HEBP1: variants seen among roughly 807,000 people sequenced by gnomAD.
HEBP1 encodes the protein heme binding protein 1.
Under a neutral mutation model 20.4 loss-of-function variants are expected in HEBP1, and 13 were observed. The ratio of observed to expected loss-of-function variants is 0.64; its 90% CI spans 0.42 to 1.01. The LOEUF (loss-of-function observed/expected upper bound fraction) is 1.01. HEBP1 is among the 50% of genes least tolerant of loss of function. The pLI, the probability that HEBP1 is intolerant of heterozygous loss-of-function variation, is 0.00. For missense variants in HEBP1, 241 were observed against 247.3 expected (o/e 0.97, Z 0.17); for synonymous variants, 92 against 90.7 (o/e 1.01, Z -0.08).
At chr12:12,982,894 C>T (rs1864104684) in intron 3 of HEBP1, among the ~76,000 whole-genome samples, 1 of 152,144 alleles carries the variant, frequency 6.6e-6, no homozygotes. Context: ...GTGTCTACCT[C>T]ATGTCTAGGA....
intron 3 of HEBP1, among the ~76,000 whole-genome samples, chr12:12,978,626 A>C (rs540609442): frequency 1.3e-5 from 2 of 152,246 alleles, no homozygotes; most frequent in East Asian, 3.9e-4. Flanking sequence ...ACCGGAGCCC[A>C]GGAACAGCCA....
intron 1 of HEBP1, among the ~76,000 whole-genome samples, chr12:12,990,004 A>C (rs546398991): frequency 6.6e-6 from 1 of 152,084 alleles, no homozygotes; most frequent in Non-Finnish European, 1.5e-5. Flanking sequence ...AAAATGGTGT[A>C]GTATTTTGCA....
intron 1 of HEBP1, among the ~76,000 whole-genome samples, chr12:12,990,139 CACACACACACAA>C (rs1466976412): frequency 2.7e-5 from 4 of 149,484 alleles, no homozygotes; most frequent in African/African-American, 1.0e-4. Context: ...CACACACACA[CACACACACACAA>C]ACACACACAC....
In HEBP1 at chr12:12,975,344, G is replaced by A. The variant is rs1324783125; in HGVS notation, c.534C>T (p.Tyr178=). The part of the protein sequence containing the change: ...CTGYDPPMKP[Y]GRRNEIWLLK... Reference sequence around the variant, plus strand: ...ACAGCCAGATCTCATTGCGCCGTCCGTAGGGCTTCATGGGAGGGTCATAAC... The same window carrying A: ...ACAGCCAGATCTCATTGCGCCGTCCATAGGGCTTCATGGGAGGGTCATAAC... Residue 178 remains tyrosine (Y), a synonymous_variant, in exon 4 of 4, where the codon TAC becomes TAT. Transcript: ENST00000014930. 14 of 1,613,902 alleles carry A rather than the reference G, an allele frequency of 8.7e-6. No individual in the cohort carries two copies. Among genetic ancestry groups the A allele is most frequent in the South Asian group, 1.1e-5 (1 of 91,080 alleles).
intron 1 of HEBP1, among the ~76,000 whole-genome samples, chr12:12,990,983 C>A (rs1335139220): frequency 1.3e-5 from 2 of 152,136 alleles, no homozygotes; most frequent in African/African-American, 2.4e-5. Flanking sequence ...TCCAACCTGA[C>A]CAATCAGCAC....
intron 2 of HEBP1, 119 bp downstream of exon 2, chr12:12,989,158 T>A (rs1864186855): frequency 1.9e-6 from 2 of 1,054,542 alleles, no homozygotes; most frequent in Admixed American, 3.7e-5. Context: ...GGTTCACAGG[T>A]CATTGAAACA....
intron 1 of HEBP1, among the ~76,000 whole-genome samples, chr12:12,993,121 T>G: frequency 7.6e-6 from 1 of 132,358 alleles, no homozygotes; most frequent in Non-Finnish European, 1.7e-5. Flanking sequence ...TTTCTTTCGT[T>G]TCCCCCTCCC....
chr12:12,981,599 C>T (rs1367843374), intron 3 of HEBP1, among the ~76,000 whole-genome samples: 5 of 152,156 alleles, frequency 3.3e-5, no homozygotes, highest in Admixed American at 2.6e-4. Context: ...CCACCTAGTG[C>T]AAATGTCACA....
chr12:12,976,504 G>A (rs1173902927), intron 3 of HEBP1, among the ~76,000 whole-genome samples: 1 of 152,188 alleles, frequency 6.6e-6, no homozygotes, highest in African/African-American at 2.4e-5. Context: ...TGACTCAAAA[G>A]TCTGAATTTG....
At chr12:12,982,056 C>T (rs1324804619) in intron 3 of HEBP1, among the ~76,000 whole-genome samples, 2 of 152,160 alleles carry the variant, frequency 1.3e-5, no homozygotes, top group East Asian at 1.9e-4. Flanking sequence ...CTCCTAAGCT[C>T]AGGTGATCCA....
intron 3 of HEBP1, among the ~76,000 whole-genome samples, chr12:12,976,077 CAAAAAAAAAAA>C (rs56110606): frequency 3.5e-5 from 3 of 85,906 alleles, no homozygotes; most frequent in Admixed American, 1.3e-4. Context: ...GACCCTGTGT[CAAAAAAAAAAA>C]AAAAAAAAAA....
intron 3 of HEBP1, among the ~76,000 whole-genome samples, chr12:12,976,840 T>C (rs989320711): frequency 2.6e-5 from 4 of 152,200 alleles, no homozygotes; most frequent in African/African-American, 9.6e-5. Flanking sequence ...ACTGGGTTAG[T>C]AGACAGACAA....
chr12:12,981,783 C>G (rs898879312), intron 3 of HEBP1, among the ~76,000 whole-genome samples: 3 of 152,182 alleles, frequency 2.0e-5, no homozygotes, highest in Admixed American at 6.5e-5. Flanking sequence ...GGGTAAATCA[C>G]ATTGTCTCAG....
At chr12:12,985,329 C>G (rs567350509) in intron 3 of HEBP1, among the ~76,000 whole-genome samples, 1 of 151,898 alleles carries the variant, frequency 6.6e-6, no homozygotes, top group Non-Finnish European at 1.5e-5. Flanking sequence ...TAAAAATAAT[C>G]CAGGGTAGGG....
Position 12,986,865 on chromosome 12 carries a change from T to G in HEBP1, c.398+287A>C, listed in dbSNP as rs180804222. The G allele has an allele frequency of 1.9e-5, 6 of 314,692 alleles. No homozygotes were observed. The South Asian group carries it at 2.3e-4, about 12-fold the overall frequency. 19.5% of individuals were successfully genotyped at this position (314,692 alleles called of 1,614,324 possible). On this transcript the variant is annotated intron_variant, in intron 3 of 3. Transcript: ENST00000014930. The surrounding 1 kb of genome is among the most constrained non-coding windows in gnomAD (Gnocchi z 4.3). ...GACTTAAGATATTTGCTGAGTCTCC[T>G]AGAACCCTGCTATGGCTAATGTAGA...
chr12:12,975,661 T>C (rs1430864965), intron 3 of HEBP1, among the ~76,000 whole-genome samples, 182 bp from the exon 4 acceptor site: 1 of 152,146 alleles, frequency 6.6e-6, no homozygotes, highest in African/African-American at 2.4e-5. Flanking sequence ...AGTTTCCTCA[T>C]CTGAAAAAGG....
At chr12:12,987,738 G>T (rs973915782) in intron 2 of HEBP1, among the ~76,000 whole-genome samples, 24 of 151,962 alleles carry the variant, frequency 1.6e-4, no homozygotes, top group African/African-American at 5.8e-4. Flanking sequence ...CTGGGTTCAA[G>T]CGATTCTTGT....
In HEBP1 at chr12:12,998,394, T is replaced by C. The variant is rs987722539; in HGVS notation, c.78+1643A>G. On this transcript the variant is annotated intron_variant, in intron 1 of 3. Coordinates refer to ENST00000014930, the MANE Select transcript of HEBP1 (RefSeq NM_015987.5). The surrounding 1 kb of genome is among the most constrained non-coding windows in gnomAD (Gnocchi z 4.2). ...TTAAGAATTTGGCAACACTGTTTCATATATCACTGCATAGCAACAAGTGGC... is the reference window on the plus strand; with the variant it reads ...TTAAGAATTTGGCAACACTGTTTCACATATCACTGCATAGCAACAAGTGGC... 6.6e-5 allele frequency among the ~76,000 whole-genome samples: 10 copies of C among 152,204 alleles called. No homozygotes were observed. Among genetic ancestry groups the C allele is most frequent in the African/African-American group, 2.4e-4 (10 of 41,456 alleles).
chr12:12,985,601 A>G (rs1261074560), intron 3 of HEBP1: 4 of 152,192 alleles, frequency 2.6e-5, no homozygotes, highest in Non-Finnish European at 5.9e-5. Flanking sequence ...AATCATGTCT[A>G]TCTCATTCCT....
Sources: allele counts gnomAD v4.1 joint callset (sites outside exome capture counted in the v4.1 genomes callset), GRCh38; gene constraint gnomAD v4.1.1; non-coding constraint Gnocchi (gnomAD v3.1); transcripts MANE v1.5; gene names NCBI Gene and HGNC (gene_info 2026-07-23, HGNC 2026-07-21).